The following OFD1 variants were observed in gnomAD, a reference collection of about 807,000 sequenced individuals.
OFD1 encodes the protein centriole and centriolar satellite protein OFD1.
OFD1 carries 12 observed loss-of-function variants against 81.4 expected under a neutral mutation model. That is an observed-to-expected ratio of 0.15 (90% CI 0.09 to 0.24). OFD1 has a LOEUF of 0.24. OFD1 is among the 10% of genes least tolerant of loss of function. The probability of loss-of-function intolerance (pLI) is 1.00; values close to 1 mark genes in which losing one functional copy is unlikely to be tolerated. For missense variants in OFD1, 685 were observed against 733.9 expected (o/e 0.93, Z 0.77); for synonymous variants, 256 against 263.7 (o/e 0.97, Z 0.28).
At chrX:13,761,904 C>CTTTTTTT (rs747167069) in intron 17 of OFD1, among the ~76,000 whole-genome samples, 9 of 68,950 alleles carry the variant, frequency 1.3e-4, no homozygotes, top group African/African-American at 2.4e-4. Context: ...AGTCCTAAAG[C>CTTTTTTT]TTTTTTTTTT....
In OFD1 at chrX:13,736,037, A is replaced by G. The variant is rs753402297; in HGVS notation, c.112-441A>G. The stretch of plus-strand genomic sequence containing the variant: ...CTTCATTTTCAGTGGCAACAGGCTT[A>G]TCTTTGGATATTTTTGTAATGTATA... On this transcript the variant is annotated intron_variant, in intron 2 of 22. Transcript: ENST00000340096. 2.6e-4 allele frequency: 127 copies of G among 489,634 alleles called. No homozygotes were observed. The African/African-American group carries it at 3.2e-3, about 12-fold the overall frequency. The allele number at this position is 489,634 out of a possible 1,213,427, so 40.4% of individuals were successfully genotyped here.
At chrX:13,734,463 G>A, upstream of OFD1, 1 of 225,786 alleles carries the variant, frequency 4.4e-6, no homozygotes, top group Non-Finnish European at 8.0e-6. Context: ...TCACGCAGGG[G>A]CTACGAAGTC....
intron 5 of OFD1, among the ~76,000 whole-genome samples, chrX:13,740,792 C>CA (rs1203809639): frequency 0.013 from 886 of 69,696 alleles, 5 homozygotes; most frequent in African/African-American, 0.034. Context: ...GACTCCATCT[C>CA]AAAAAAAAAA....
intron 9 of OFD1, among the ~76,000 whole-genome samples, chrX:13,750,048 T>C (rs1389892540): frequency 8.9e-6 from 1 of 112,447 alleles, no homozygotes; most frequent in Admixed American, 9.4e-5. Context: ...AGTTCACCTG[T>C]CTATAGTTTG....
rs149647255 is a variant in OFD1 at position 13,767,190 on chromosome X, A to C, written c.2663A>C (p.Lys888Thr). The change falls in exon 20 of 23, where the codon AAA (lysine) becomes ACA (threonine). Residue 888 changes from lysine to threonine, a missense_variant. This residue lies in a region of OFD1 where 259 missense variants were observed against 254.4 expected (regional missense o/e 1.02). Coordinates refer to ENST00000340096, the MANE Select transcript of OFD1 (RefSeq NM_003611.3). ...EEEKIREQQV[K>T]ERRQREERRQ... is the part of the protein sequence containing the mutation. ...GAAAAAATACGGGAACAGCAAGTGA[A>C]AGAACGAAGGCAGAGAGAAGAAAGA... 917 of 1,209,088 alleles carry C rather than the reference A, an allele frequency of 7.6e-4. 5 individuals are homozygous for C. The African/African-American group carries it at 0.012, about 15-fold the overall frequency.
At chrX:13,721,552 C>G in the OFD1 span, 1 of 111,894 alleles carries the variant, frequency 8.9e-6, no homozygotes, top group African/African-American at 3.3e-5. Flanking sequence ...GTGTTAGAAG[C>G]CAAGACTTAG....
chrX:13,751,483 A>C lies in OFD1; in HGVS notation c.1055+115A>C, dbSNP rs1023575296. ...GCAAACTTTAGTGTTTGAAAAAAAA[A>C]AAACATAGTTTTATCGATACAGTCA... On this transcript the variant is annotated intron_variant, in intron 10 of 22. Transcript: ENST00000340096. The C allele has an allele frequency of 1.8e-5, 11 of 607,012 alleles. No homozygotes were observed. The African/African-American group carries it at 2.6e-4, about 14-fold the overall frequency. The allele number at this position is 607,012 out of a possible 1,213,427, so 50.0% of individuals were successfully genotyped here.
At chrX:13,764,957 G>C (rs186424908) in intron 19 of OFD1, among the ~76,000 whole-genome samples, 1 of 111,635 alleles carries the variant, frequency 9.0e-6, no homozygotes, top group Non-Finnish European at 1.9e-5. Context: ...AGTAGGGGCC[G>C]TGGCCACAAG....
the OFD1 span, chrX:13,719,936 C>T: frequency 2.5e-6 from 3 of 1,200,529 alleles, no homozygotes; most frequent in Non-Finnish European, 2.2e-6. Flanking sequence ...TGGTGGCCAA[C>T]AATTACAAAG....
intron 5 of OFD1, 120 bp from the exon 6 acceptor site, chrX:13,744,294 TA>T (rs1437659764): frequency 6.4e-5 from 30 of 468,919 alleles, no homozygotes; most frequent in Middle Eastern, 6.2e-4. Context: ...CTTTTGTCTC[TA>T]AAAAAAAGGA....
chrX:13,746,439 C>G lies in OFD1; in HGVS notation c.638C>G (p.Ala213Gly), dbSNP rs1279732270. The G allele has an allele frequency of 7.4e-6, 9 of 1,208,165 alleles. No homozygotes were observed. The Admixed American group carries it at 2.0e-4, about 26-fold the overall frequency. ...YKREIEEQLR[A>G]EMCQKLKFFK... ...AGAGAAATAGAAGAGCAACTTCGGG[C>G]AGAAATGTGTCAAAAGGTAAGCTTT... The change falls in exon 7 of 23, where the codon GCA (alanine) becomes GGA (glycine). Residue 213 changes from alanine (A) to glycine (G), a missense_variant. Ala to Gly is a moderately conservative substitution (Grantham distance 60, BLOSUM62 0). Coordinates refer to ENST00000340096, the MANE Select transcript of OFD1 (RefSeq NM_003611.3).
intron 19 of OFD1, 66 bp from the exon 20 acceptor site, chrX:13,767,061 G>T: frequency 8.9e-7 from 1 of 1,120,272 alleles, no homozygotes; most frequent in East Asian, 3.0e-5. Context: ...GGCTCCTGCA[G>T]ACTGGTCCTG....
downstream of OFD1, chrX:13,771,063 TGAATA>T (rs1360307394): frequency 5.3e-5 from 6 of 112,534 alleles, no homozygotes; most frequent in Non-Finnish European, 9.4e-5. Flanking sequence ...TTGTAACACT[TGAATA>T]GAACTACAGG....
chrX:13,763,292 T>A (rs935250551), intron 18 of OFD1, among the ~76,000 whole-genome samples: 23 of 112,793 alleles, frequency 2.0e-4, no homozygotes, highest in Non-Finnish European at 1.1e-4. Context: ...TTGAGAAATC[T>A]TTATATTTGC....
chrX:13,772,218 GTCCAGCATCCAGATTCTTT>G (rs2048313864), downstream of OFD1: 1 of 112,313 alleles, frequency 8.9e-6, no homozygotes, highest in African/African-American at 3.2e-5. Context: ...TTGTCAGTGA[GTCCAGCATCCAGATTCTTT>G]AATAGTAGGG....
intron 1 of OFD1, 21 bp from the exon 2 acceptor site, chrX:13,735,227 T>C (rs1437530692): frequency 8.3e-7 from 1 of 1,204,995 alleles, no homozygotes; most frequent in Non-Finnish European, 1.1e-6. Context: ...GCAGGTAACC[T>C]ATAACCATTT....
chrX:13,759,795 A>G (rs776900422), intron 15 of OFD1, among the ~76,000 whole-genome samples: 4 of 112,609 alleles, frequency 3.6e-5, no homozygotes, highest in Non-Finnish European at 5.6e-5. Context: ...CTTTTCAACC[A>G]AATGAGTTCA....
chrX:13,757,744 A>G lies in OFD1; in HGVS notation c.1496A>G (p.Glu499Gly), dbSNP rs2047766370. 1 of 1,211,110 alleles carries G rather than the reference A, an allele frequency of 8.3e-7. No individual in the cohort carries two copies. Among genetic ancestry groups the G allele is most frequent in the East Asian group, 3.0e-5 (1 of 33,824 alleles). Residue 499 changes from glutamate to glycine, a missense_variant, in exon 14 of 23, where the codon GAG becomes GGG. By Grantham distance (98) the Glu-to-Gly change is moderately conservative (BLOSUM62 -2). Coordinates refer to ENST00000340096, the MANE Select transcript of OFD1 (RefSeq NM_003611.3). ...AEKAIVVEHE[E>G]FESCRQALHK... Reference sequence around the variant, plus strand: ...AAGGCTATAGTGGTTGAGCATGAGGAGTTCGAAAGCTGCAGGCAAGCTCTG... The same window carrying G: ...AAGGCTATAGTGGTTGAGCATGAGGGGTTCGAAAGCTGCAGGCAAGCTCTG...
intron 16 of OFD1, 49 bp from the exon 17 acceptor site, chrX:13,761,036 T>C: frequency 8.3e-7 from 1 of 1,206,115 alleles, no homozygotes; most frequent in Non-Finnish European, 1.1e-6. Context: ...GTTGGTATCT[T>C]CTCCGTGCAA....
Sources: gnomAD v4.1 joint callset for allele counts (sites outside exome capture counted in the v4.1 genomes callset) on GRCh38, gnomAD v4.1.1 for gene constraint, gnomAD v4.1.1 regional missense constraint, MANE v1.5 for transcripts, NCBI Gene and HGNC (gene_info 2026-07-23, HGNC 2026-07-21) for gene names.